Variants in MOXD1 observed in about 807,000 individuals in gnomAD.
The protein encoded by MOXD1 is DBH-like monooxygenase protein 1.
Under a neutral mutation model 66.6 loss-of-function variants are expected in MOXD1, and 62 were observed. That is an observed-to-expected ratio of 0.93 (90% confidence interval 0.76 to 1.15). The LOEUF is 1.15. MOXD1 is among the 50% of genes most tolerant of loss of function. MOXD1 has a pLI of 0.00. For synonymous variants in MOXD1, 303 were observed against 281.9 expected (o/e 1.07, Z -0.75); for missense variants, 847 against 754.6 (o/e 1.12, Z -1.44).
At chr6:132,338,873 T>C (rs1156245450) in intron 4 of MOXD1, among the ~76,000 whole-genome samples, 1 of 152,230 alleles carries the variant, frequency 6.6e-6, no homozygotes, top group Non-Finnish European at 1.5e-5. Context: ...AAGCAACAAA[T>C]ACCTTGTAGG....
chr6:132,361,350 G>A (rs770988380), intron 4 of MOXD1, among the ~76,000 whole-genome samples: 1 of 150,420 alleles, frequency 6.6e-6, no homozygotes, highest in East Asian at 1.9e-4. Context: ...AATGCATCAA[G>A]GAATAAACTA....
intron 1 of MOXD1, among the ~76,000 whole-genome samples, chr6:132,380,052 T>C (rs374313955): frequency 1.3e-5 from 2 of 152,218 alleles, no homozygotes. Context: ...ATGCCCGGCC[T>C]GTAGTTTTCT....
At chr6:132,370,454 A>G (rs1443974101) in intron 4 of MOXD1, among the ~76,000 whole-genome samples, 1 of 152,042 alleles carries the variant, frequency 6.6e-6, no homozygotes, top group Non-Finnish European at 1.5e-5. Context: ...TATTTTTTGA[A>G]TAATATCCTA....
chr6:132,307,375 C>A (rs1774718491), intron 10 of MOXD1, among the ~76,000 whole-genome samples: 1 of 152,176 alleles, frequency 6.6e-6, no homozygotes, highest in African/African-American at 2.4e-5. Flanking sequence ...AAAACAAGTT[C>A]TTAGAGACCT....
rs117156183 is a variant in MOXD1 at position 132,339,433 on chromosome 6, G to T, written c.664-10839C>A. Among the ~76,000 whole-genome samples, 80 of 152,346 alleles carry T rather than the reference G, an allele frequency of 5.3e-4. No individual in the cohort carries two copies. In the East Asian group the frequency reaches 0.014, roughly 27 times the overall value. On this transcript the variant is annotated intron_variant, in intron 4 of 11. Transcript: ENST00000367963. ...TACTATGTGCTCTTCGTTAGGTGCT[G>T]AGGGAGGAAATAATGATGCATCACA...
intron 4 of MOXD1, among the ~76,000 whole-genome samples, chr6:132,346,079 T>A (rs1199915959): frequency 1.3e-5 from 2 of 152,142 alleles, no homozygotes; most frequent in Admixed American, 6.5e-5. Context: ...GGATTTTTTT[T>A]AATGATTTCA....
chr6:132,338,007 A>C (rs1201694980), intron 4 of MOXD1, among the ~76,000 whole-genome samples: 2 of 152,222 alleles, frequency 1.3e-5, no homozygotes, highest in African/African-American at 2.4e-5. Flanking sequence ...TAAGTAAGTC[A>C]CATGATAATA....
At chr6:132,392,097 T>C in intron 1 of MOXD1, 3 of 1,344,784 alleles carry the variant, frequency 2.2e-6, no homozygotes, top group South Asian at 3.0e-5. Context: ...AGCCTTTCAA[T>C]TTGCTTTCCA....
intron 1 of MOXD1, among the ~76,000 whole-genome samples, chr6:132,388,822 T>TGCTTTGAC (rs1053529282): frequency 3.3e-5 from 5 of 151,368 alleles, no homozygotes; most frequent in African/African-American, 1.2e-4. Flanking sequence ...GAAATAACAT[T>TGCTTTGAC]GCTTTGACGC....
chr6:132,353,819 C>G (rs1021479916), intron 4 of MOXD1, among the ~76,000 whole-genome samples: 3 of 152,104 alleles, frequency 2.0e-5, no homozygotes, highest in African/African-American at 7.2e-5. Flanking sequence ...TAGGTTTGGT[C>G]ATTTACCATA....
At chr6:132,378,010 C>A (rs1447076305) in intron 1 of MOXD1, among the ~76,000 whole-genome samples, 2 of 152,044 alleles carry the variant, frequency 1.3e-5, no homozygotes, top group Non-Finnish European at 2.9e-5. Flanking sequence ...TGCCTGTAAT[C>A]CCAACTACAC....
intron 4 of MOXD1, among the ~76,000 whole-genome samples, chr6:132,367,608 T>C (rs1464327728): frequency 2.0e-5 from 3 of 152,056 alleles, no homozygotes; most frequent in African/African-American, 4.8e-5. Context: ...GAGTTTTCAA[T>C]GAAAAGTCAT....
intron 4 of MOXD1, among the ~76,000 whole-genome samples, chr6:132,345,102 C>T (rs550628788): frequency 6.6e-6 from 1 of 152,312 alleles, no homozygotes; most frequent in South Asian, 2.1e-4. Flanking sequence ...CCATCGGCCA[C>T]AGAATTTTCT....
At chr6:132,392,834 G>A (rs140012957) in intron 1 of MOXD1, among the ~76,000 whole-genome samples, 14 of 152,166 alleles carry the variant, frequency 9.2e-5, no homozygotes, top group African/African-American at 2.2e-4. Context: ...TCCTCTTTGC[G>A]GAAATATCTC....
chr6:132,315,916 CT>C (rs1402967948), intron 9 of MOXD1, 139 bp from the exon 10 acceptor site: 1 of 866,092 alleles, frequency 1.2e-6, no homozygotes, highest in Non-Finnish European at 1.7e-6. Context: ...AAAAAACTGG[CT>C]TTTTAGAAAG....
chr6:132,323,247 G>A (rs566280811), intron 7 of MOXD1, among the ~76,000 whole-genome samples: 8 of 152,268 alleles, frequency 5.3e-5, no homozygotes, highest in Admixed American at 1.3e-4. Context: ...ATAAGAAAGC[G>A]AAAGTGGGTC....
chr6:132,303,835 G>GAA (rs1774619467), intron 10 of MOXD1, among the ~76,000 whole-genome samples: 3 of 47,542 alleles, frequency 6.3e-5, no homozygotes, highest in African/African-American at 2.3e-4. Flanking sequence ...GTGTGTGTGT[G>GAA]TATATATATA....
chr6:132,316,648 A>G (rs1774965985), intron 9 of MOXD1, among the ~76,000 whole-genome samples: 1 of 152,142 alleles, frequency 6.6e-6, no homozygotes, highest in Non-Finnish European at 1.5e-5. Flanking sequence ...TCAAATGAGC[A>G]AGGAAAATAT....
At position 132,340,441 on chromosome 6, in the gene MOXD1, C is replaced by CT. The variant is rs71868555; in HGVS notation, c.664-11848dup. On this transcript the variant is annotated intron_variant, in intron 4 of 11. Coordinates refer to ENST00000367963, the MANE Select transcript of MOXD1 (RefSeq NM_015529.4). ...GAGCACTGGCAGCAAGCAACACTTT[C>CT]TTTTTTTTTTTTTTTTTTTTTCTAA... 3.7e-3 allele frequency among the ~76,000 whole-genome samples: 397 copies of CT among 106,216 alleles called. 3 individuals are homozygous for CT. Among genetic ancestry groups the CT allele is most frequent in the South Asian group, 0.012 (40 of 3,264 alleles). 69.7% of individuals were successfully genotyped at this position (106,216 alleles called of 152,430 possible). A position where few individuals can be genotyped will look rare whatever the true frequency, so the allele number is the denominator to read the frequency against.
Sources: allele counts gnomAD v4.1 joint callset (sites outside exome capture counted in the v4.1 genomes callset), GRCh38; gene constraint gnomAD v4.1.1; transcripts MANE v1.5; gene names NCBI Gene and HGNC (gene_info 2026-07-23, HGNC 2026-07-21).